Variants in CADPS2 observed in about 807,000 individuals in gnomAD.
CADPS2 encodes the protein calcium-dependent secretion activator 2.
A neutral mutation model predicts 172.5 loss-of-function variants in CADPS2; 93 were observed. The ratio of observed to expected loss-of-function variants is 0.54; its 90% CI spans 0.46 to 0.64. The LOEUF (loss-of-function observed/expected upper bound fraction) is 0.64, where lower values mean the gene tolerates loss of function less well. Ranked by LOEUF, CADPS2 falls within the 30% of genes least tolerant of loss-of-function variation. The probability of loss-of-function intolerance (pLI) is 0.00; values close to 1 mark genes in which losing one functional copy is unlikely to be tolerated. For synonymous variants in CADPS2, 546 were observed against 555.2 expected, an observed-to-expected ratio of 0.98 and a Z score of 0.23; for missense variants, 1,420 against 1,565.9, an observed-to-expected ratio of 0.91 and a Z score of 1.57.
intron 19 of CADPS2, chr7:122,409,621 TCTC>T (rs2047063983): frequency 2.1e-6 from 1 of 470,774 alleles, no homozygotes; most frequent in South Asian, 1.6e-5. Context: ...GAATGCCTCT[TCTC>T]CTAATGATGG....
At chr7:122,799,603 C>CAAAA (rs58187843) in intron 1 of CADPS2, among the ~76,000 whole-genome samples, 1 of 48,272 alleles carries the variant, frequency 2.1e-5, no homozygotes, top group Non-Finnish European at 4.4e-5. Context: ...GATTCCATCT[C>CAAAA]AAAAAAAAAA....
intron 3 of CADPS2, among the ~76,000 whole-genome samples, chr7:122,645,435 GTA>G (rs1221450193): frequency 2.3e-5 from 2 of 86,892 alleles, no homozygotes; most frequent in African/African-American, 3.9e-5. Flanking sequence ...GTGTATATAT[GTA>G]TATATACACA....
chr7:122,817,951 C>T (rs533848269), intron 1 of CADPS2, among the ~76,000 whole-genome samples: 35 of 151,014 alleles, frequency 2.3e-4, no homozygotes, highest in African/African-American at 4.6e-4. Context: ...TTCTGTGCCC[C>T]GACCCTTTAT....
intron 7 of CADPS2, among the ~76,000 whole-genome samples, chr7:122,571,541 C>G (rs1014194186): frequency 2.6e-5 from 4 of 152,056 alleles, no homozygotes; most frequent in African/African-American, 9.7e-5. Context: ...CAGAGAATGA[C>G]CAAGGCAGAC....
At chr7:122,508,045 G>A (rs866628498) in intron 9 of CADPS2, among the ~76,000 whole-genome samples, 9 of 152,132 alleles carry the variant, frequency 5.9e-5, no homozygotes, top group South Asian at 2.1e-4. Flanking sequence ...TACAGATTCA[G>A]GCACACTACT....
chr7:122,658,781 G>T (rs2080143830), intron 3 of CADPS2, among the ~76,000 whole-genome samples: 1 of 152,094 alleles, frequency 6.6e-6, no homozygotes, highest in African/African-American at 2.4e-5. Context: ...TATACCTAAT[G>T]TAAATGATGA....
rs186881226 is a variant in CADPS2 at position 122,607,655 on chromosome 7, T to C, written c.1223+7526A>G. Among the ~76,000 whole-genome samples, 444 of 152,294 alleles carry C rather than the reference T, an allele frequency of 2.9e-3. 2 individuals carry two copies. The highest frequency in any genetic ancestry group is 4.7e-3 in the Non-Finnish European group (320 of 68,038). ...AATCTAAATCCATCATATTTTCTTA[T>C]TAATTCAGATGCCTCTCATTTTAAA... On this transcript the variant is annotated intron_variant, in intron 6 of 29. Transcript: ENST00000449022.
At chr7:122,579,489 T>C (rs1308841920) in intron 7 of CADPS2, among the ~76,000 whole-genome samples, 2 of 138,086 alleles carry the variant, frequency 1.4e-5, no homozygotes, top group African/African-American at 5.6e-5. Flanking sequence ...ATGTCACTTA[T>C]GTATCCAATT....
At chr7:122,511,431 T>G (rs918934285) in intron 9 of CADPS2, among the ~76,000 whole-genome samples, 2 of 152,136 alleles carry the variant, frequency 1.3e-5, no homozygotes, top group African/African-American at 4.8e-5. Context: ...TCATTTGACC[T>G]CTTAAGACTG....
intron 1 of CADPS2, among the ~76,000 whole-genome samples, chr7:122,822,030 A>C (rs201437168): frequency 6.6e-6 from 1 of 151,976 alleles, no homozygotes; most frequent in Admixed American, 6.6e-5. Flanking sequence ...CACCGTTCTC[A>C]ACTACTCATA....
chr7:122,857,500 G>A (rs546650481), intron 1 of CADPS2, among the ~76,000 whole-genome samples: 3 of 152,276 alleles, frequency 2.0e-5, no homozygotes, highest in African/African-American at 7.2e-5. Flanking sequence ...CCCTGAGTAT[G>A]CAGCACCTAA....
chr7:122,733,583 C>G (rs540710286), intron 2 of CADPS2, among the ~76,000 whole-genome samples: 1 of 151,874 alleles, frequency 6.6e-6, no homozygotes, highest in Non-Finnish European at 1.5e-5. Context: ...CAAATTGAGT[C>G]AAGTGGCCAT....
chr7:122,817,403 A>G (rs1470993375), intron 1 of CADPS2, among the ~76,000 whole-genome samples: 1 of 151,880 alleles, frequency 6.6e-6, no homozygotes, highest in Non-Finnish European at 1.5e-5. Context: ...CCACTCTTCA[A>G]TCTCTCCCTT....
At chr7:122,865,043 G>T (rs1276684268) in intron 1 of CADPS2, among the ~76,000 whole-genome samples, 1 of 152,176 alleles carries the variant, frequency 6.6e-6, no homozygotes, top group Admixed American at 6.5e-5. Flanking sequence ...GGTGATGGGG[G>T]TGGACACCTC....
rs565581283 is a variant in CADPS2, at chr7:122,781,041, G to A, written c.340-43973C>T. Among the ~76,000 whole-genome samples, 68 of 152,206 alleles carry A rather than the reference G, an allele frequency of 4.5e-4. 1 individual carries two copies. The highest frequency in any genetic ancestry group is 6.9e-4 in the Non-Finnish European group (47 of 68,006). On this transcript the variant is annotated intron_variant, in intron 1 of 29. Transcript: ENST00000449022. ...ACACTTTGTAGAAAATCATATATAA[G>A]AATACTTTCTTACCACACTCATGAT...
intron 17 of CADPS2, among the ~76,000 whole-genome samples, chr7:122,423,931 TTTGA>T (rs1240435919): frequency 6.6e-6 from 1 of 152,194 alleles, no homozygotes; most frequent in East Asian, 1.9e-4. Flanking sequence ...CTACGTAAAC[TTTGA>T]TTATTTCCTC....
At chr7:122,549,008 C>G (rs971293873) in intron 8 of CADPS2, among the ~76,000 whole-genome samples, 3 of 152,160 alleles carry the variant, frequency 2.0e-5, no homozygotes, top group African/African-American at 7.2e-5. Flanking sequence ...GTTATACTCT[C>G]AATGAATTAA....
At chr7:122,879,397 A>G (rs1165564719) in intron 1 of CADPS2, among the ~76,000 whole-genome samples, 1 of 151,156 alleles carries the variant, frequency 6.6e-6, no homozygotes, top group African/African-American at 2.4e-5. Context: ...TTAGCCAGAC[A>G]CGGTGGCACG....
chr7:122,461,089 C>T (rs2054379051), intron 14 of CADPS2, among the ~76,000 whole-genome samples: 1 of 152,106 alleles, frequency 6.6e-6, no homozygotes. Flanking sequence ...AGTTACAAAG[C>T]CCAAAATAGT....
Sources: allele counts gnomAD v4.1 joint callset (sites outside exome capture counted in the v4.1 genomes callset), GRCh38; gene constraint gnomAD v4.1.1; transcripts MANE v1.5; gene names NCBI Gene and HGNC (gene_info 2026-07-23, HGNC 2026-07-21).